Variants in SMAP2 observed in about 807,000 individuals in gnomAD.
SMAP2 encodes the protein small ArfGAP2.
In SMAP2, 25 loss-of-function variants were observed where a neutral mutation model predicts 56.4. The ratio of observed to expected loss-of-function variants is 0.44; its 90% CI spans 0.32 to 0.62. The LOEUF (loss-of-function observed/expected upper bound fraction) is 0.62, where lower values mean the gene tolerates loss of function less well. Ranked by LOEUF, SMAP2 falls within the 20% of genes least tolerant of loss-of-function variation. The pLI is 0.04. For missense variants in SMAP2, 388 were observed against 545.6 expected (o/e 0.71, Z 2.88); for synonymous variants, 157 against 181.7 (o/e 0.86, Z 1.09).
chr1:40,392,972 T>C (rs934334042), intron 1 of SMAP2, among the ~76,000 whole-genome samples: 1 of 151,444 alleles, frequency 6.6e-6, no homozygotes, highest in African/African-American at 2.4e-5. Context: ...CGTGGTGGCA[T>C]GCACCTGTAG....
At chr1:40,357,236 C>A (rs926710364) in intron 1 of SMAP2, among the ~76,000 whole-genome samples, 1 of 152,004 alleles carries the variant, frequency 6.6e-6, no homozygotes, top group Non-Finnish European at 1.5e-5. Context: ...TTTTGGATCA[C>A]CTGAGGTCAG....
chr1:40,373,181 C>T (rs1644508606), upstream of SMAP2, among the ~76,000 whole-genome samples: 1 of 152,112 alleles, frequency 6.6e-6, no homozygotes, highest in South Asian at 2.1e-4. Flanking sequence ...AGGCAGGAGT[C>T]ACAGAGGAGA....
In SMAP2 at chr1:40,374,073, G is replaced by A. The variant is rs1644517879; in HGVS notation, c.-48G>A. 6.8e-7 allele frequency: 1 copy of A among 1,472,376 alleles called. No individual in the cohort carries two copies. 91.2% of individuals were successfully genotyped at this position (1,472,376 alleles called of 1,614,324 possible). A position where few individuals can be genotyped will look rare whatever the true frequency, so the allele number is the denominator to read the frequency against. On this transcript the variant is annotated 5_prime_UTR_variant, in exon 1 of 10. Transcript: ENST00000372718. This position sits in a 1 kb window ranked among gnomAD's most constrained non-coding sequence, Gnocchi z 5.9. ...ACCCCGGACTGAGGCAGGGGTCTCT[G>A]GGGGCGAGGAGGGCGCGTCGCCCTC...
chr1:40,417,217 T>G (rs1557469903), intron 9 of SMAP2, 121 bp downstream of exon 9: 1 of 714,276 alleles, frequency 1.4e-6, no homozygotes, highest in South Asian at 2.2e-5. Context: ...TAAGAGACAT[T>G]GTTAGGTTTG....
upstream of SMAP2, among the ~76,000 whole-genome samples, chr1:40,370,925 A>G (rs986828342): frequency 6.6e-6 from 1 of 151,972 alleles, no homozygotes; most frequent in East Asian, 1.9e-4. Flanking sequence ...CAGTAATCCT[A>G]GTACTTTGGG....
intron 1 of SMAP2, among the ~76,000 whole-genome samples, chr1:40,347,098 C>T (rs972411434): frequency 2.1e-4 from 32 of 151,662 alleles, no homozygotes; most frequent in Non-Finnish European, 2.5e-4. Context: ...GGCCAGAGTG[C>T]GGTGGCATGA....
intron 1 of SMAP2, among the ~76,000 whole-genome samples, chr1:40,348,364 A>C (rs1336886713): frequency 6.6e-6 from 1 of 152,076 alleles, no homozygotes; most frequent in African/African-American, 2.4e-5. Context: ...TTCCCAGCCC[A>C]GGGAGTATTA....
chr1:40,407,353 T>C (rs1018257613), intron 2 of SMAP2, among the ~76,000 whole-genome samples: 13 of 152,054 alleles, frequency 8.5e-5, no homozygotes, highest in African/African-American at 3.1e-4. Context: ...TAGCTGGGCC[T>C]GGTGGTACGT....
At chr1:40,398,095 TAGAA>T (rs1644790183) in intron 1 of SMAP2, among the ~76,000 whole-genome samples, 1 of 152,160 alleles carries the variant, frequency 6.6e-6, no homozygotes, top group African/African-American at 2.4e-5. Flanking sequence ...GCAAAATTAA[TAGAA>T]AGCTCATTGC....
At chr1:40,366,147 A>G (rs1318096563) in intron 2 of SMAP2, among the ~76,000 whole-genome samples, 1 of 152,034 alleles carries the variant, frequency 6.6e-6, no homozygotes, top group African/African-American at 2.4e-5. Flanking sequence ...AGGGAAGTTT[A>G]GAGAAAGAAG....
chr1:40,374,235 CACCTGGCGGGCCAGG>C lies in SMAP2; in HGVS notation c.103+13_103+27del. 1 of 1,601,466 alleles carries C rather than the reference CACCTGGCGGGCCAGG, an allele frequency of 6.2e-7. No individual in the cohort carries two copies. Among genetic ancestry groups the C allele is most frequent in the Non-Finnish European group, 8.5e-7 (1 of 1,173,600 alleles). ...TTGCCAGTCTAAAGGTAGCGCATCC[CACCTGGCGGGCCAGG>C]GGTCCAGCCGCGCCGGGGTGGTGGG... is the stretch of plus-strand genomic sequence containing the variant. On this transcript the variant is annotated intron_variant, in intron 1 of 9. Coordinates refer to ENST00000372718, the MANE Select transcript of SMAP2 (RefSeq NM_022733.3). This position sits in a 1 kb window ranked among gnomAD's most constrained non-coding sequence, Gnocchi z 5.9.
chr1:40,399,002 A>C (rs1644801104), intron 1 of SMAP2, among the ~76,000 whole-genome samples: 1 of 152,186 alleles, frequency 6.6e-6, no homozygotes, highest in South Asian at 2.1e-4. Context: ...AGAAAAAGTA[A>C]AGGGTGGCCA....
chr1:40,422,516 CT>C lies in SMAP2; in HGVS notation c.*416del, dbSNP rs1645053445. ...AGGTCCTTCTATATGTGTTAATAAG[CT>C]GTTTCTAAGTGTTTAAATTTGAAAA... On this transcript the variant is annotated 3_prime_UTR_variant, in exon 10 of 10. Coordinates refer to ENST00000372718, the MANE Select transcript of SMAP2 (RefSeq NM_022733.3). 1 of 175,154 alleles carries C rather than the reference CT, an allele frequency of 5.7e-6. No homozygotes were observed. Among genetic ancestry groups the C allele is most frequent in the African/African-American group, 2.3e-5 (1 of 42,642 alleles). The allele number at this position is 175,154 out of a possible 1,614,324, so 10.8% of individuals were successfully genotyped here.
chr1:40,349,287 G>T (rs899467805), intron 1 of SMAP2, among the ~76,000 whole-genome samples: 3 of 152,048 alleles, frequency 2.0e-5, no homozygotes, highest in Non-Finnish European at 2.9e-5. Flanking sequence ...AATAACGAAG[G>T]TACCCCCTGT....
Position 40,406,989 on chromosome 1 carries a change from T to C in SMAP2, c.237+120T>C, listed in dbSNP as rs1008935195. 8.6e-6 allele frequency: 9 copies of C among 1,044,992 alleles called. No individual in the cohort carries two copies. The African/African-American group carries it at 1.3e-4, about 15-fold the overall frequency. 64.7% of individuals were successfully genotyped at this position (1,044,992 alleles called of 1,614,324 possible). A position where few individuals can be genotyped will look rare whatever the true frequency, so the allele number is the denominator to read the frequency against. On this transcript the variant is annotated intron_variant, in intron 2 of 9. Coordinates refer to ENST00000372718, the MANE Select transcript of SMAP2 (RefSeq NM_022733.3). ...AAAGGAAAATTTAGTTGTTAAACAC[T>C]TAACATCAGATTCTTGTACCCTAAC...
intron 1 of SMAP2, among the ~76,000 whole-genome samples, chr1:40,378,084 T>C (rs546073790): frequency 3.9e-5 from 6 of 152,228 alleles, no homozygotes; most frequent in Non-Finnish European, 8.8e-5. Flanking sequence ...GCACATGTTC[T>C]GTACAGATGC....
At chr1:40,364,139 A>G (rs1361092943) in intron 2 of SMAP2, among the ~76,000 whole-genome samples, 1 of 152,164 alleles carries the variant, frequency 6.6e-6, no homozygotes, top group Non-Finnish European at 1.5e-5. Context: ...TATAAGATAC[A>G]CTAATGAGAG....
chr1:40,374,363 C>T lies in SMAP2; in HGVS notation c.103+140C>T. ...AACGCGTGCTGCGCTTGCAGTGAGC[C>T]TACTGGGCTTTCTGCAGCTGGGGGA... On this transcript the variant is annotated intron_variant, in intron 1 of 9. Coordinates refer to ENST00000372718, the MANE Select transcript of SMAP2 (RefSeq NM_022733.3). The surrounding 1 kb of genome is among the most constrained non-coding windows in gnomAD (Gnocchi z 5.9). 1 of 756,316 alleles carries T rather than the reference C, an allele frequency of 1.3e-6. No individual in the cohort carries two copies. Among genetic ancestry groups the T allele is most frequent in the East Asian group, 2.7e-5 (1 of 37,232 alleles). The allele number at this position is 756,316 out of a possible 1,614,324, so 46.9% of individuals were successfully genotyped here.
At chr1:40,356,093 T>G (rs975156274) in intron 1 of SMAP2, among the ~76,000 whole-genome samples, 3 of 152,210 alleles carry the variant, frequency 2.0e-5, no homozygotes, top group Admixed American at 2.0e-4. Flanking sequence ...AAGTTTGTCT[T>G]TCTGTGCCTG....
Sources: gnomAD v4.1 joint callset for allele counts (sites outside exome capture counted in the v4.1 genomes callset) on GRCh38, gnomAD v4.1.1 for gene constraint, Gnocchi (gnomAD v3.1) non-coding constraint, MANE v1.5 for transcripts, NCBI Gene and HGNC (gene_info 2026-07-23, HGNC 2026-07-21) for gene names.